ZNF540: variants seen among roughly 807,000 people sequenced by gnomAD.
ZNF540 encodes CTD-3064H18.6.
In ZNF540, 3 loss-of-function variants were observed where a neutral mutation model predicts 11.8. The ratio of observed to expected loss-of-function variants is 0.25; its 90% CI spans 0.12 to 0.65. The LOEUF is 0.65. Among genes scored for constraint, ZNF540 ranks in the 30% least tolerant of loss-of-function variants. The pLI, the probability that ZNF540 is intolerant of heterozygous loss-of-function variation, is 0.83. For missense variants in ZNF540, 709 were observed against 793.1 expected, an observed-to-expected ratio of 0.89 and a Z score of 1.27; for synonymous variants, 247 against 259.0, an observed-to-expected ratio of 0.95 and a Z score of 0.45.
intron 1 of ZNF540, among the ~76,000 whole-genome samples, chr19:37,587,979 A>G (rs954579205): frequency 5.9e-5 from 9 of 151,970 alleles, no homozygotes; most frequent in Non-Finnish European, 7.4e-5. Context: ...ACATGCCTGT[A>G]GTCCCAGCTA....
intron 1 of ZNF540, chr19:37,586,376 G>A (rs2043673888): frequency 4.6e-6 from 2 of 437,420 alleles, no homozygotes; most frequent in African/African-American, 2.0e-5. Flanking sequence ...TGGTACTAAT[G>A]TGTACCAATC....
intron 1 of ZNF540, chr19:37,563,371 A>G (rs1459444867): frequency 1.3e-5 from 2 of 152,056 alleles, no homozygotes; most frequent in Non-Finnish European, 2.9e-5. Context: ...CAAAAAATGG[A>G]ATGTAGCCTC....
chr19:37,607,064 A>G (rs1405311300), intron 4 of ZNF540, among the ~76,000 whole-genome samples: 1 of 152,076 alleles, frequency 6.6e-6, no homozygotes, highest in Non-Finnish European at 1.5e-5. Flanking sequence ...TATCAGATAT[A>G]TATATTTTGC....
At chr19:37,581,912 T>C (rs557802024) in intron 1 of ZNF540, among the ~76,000 whole-genome samples, 1 of 152,102 alleles carries the variant, frequency 6.6e-6, no homozygotes, top group Non-Finnish European at 1.5e-5. Flanking sequence ...TTCCTGTCTA[T>C]ACCTTTTGCT....
chr19:37,566,764 C>T (rs1005722558), intron 1 of ZNF540, among the ~76,000 whole-genome samples: 2 of 152,144 alleles, frequency 1.3e-5, no homozygotes, highest in Non-Finnish European at 2.9e-5. Context: ...ATCTATTCTT[C>T]ATACAGCAGC....
intron 1 of ZNF540, chr19:37,564,580 A>G (rs2042778900): frequency 6.9e-7 from 1 of 1,459,050 alleles, no homozygotes; most frequent in African/African-American, 1.4e-5. Context: ...CTTAAATTTA[A>G]TCACATTCAA....
intron 1 of ZNF540, chr19:37,587,129 C>T (rs997943145): frequency 6.3e-6 from 1 of 159,218 alleles, no homozygotes; most frequent in African/African-American, 2.4e-5. Context: ...GACTCACAGA[C>T]ATTTTGACAG....
intron 4 of ZNF540, among the ~76,000 whole-genome samples, chr19:37,607,465 G>C (rs1413450472): frequency 6.6e-6 from 1 of 152,112 alleles, no homozygotes; most frequent in Non-Finnish European, 1.5e-5. Flanking sequence ...TCTGTGTTTG[G>C]CCTAGTCATC....
Position 37,612,535 on chromosome 19 carries a change from G to A in ZNF540, c.1255G>A (p.Ala419Thr). 1 of 1,614,104 alleles carries A rather than the reference G, an allele frequency of 6.2e-7. No individual in the cohort carries two copies. Among genetic ancestry groups the A allele is most frequent in the South Asian group, 1.1e-5 (1 of 91,086 alleles). Residue 419 changes from alanine to threonine, a missense_variant, in exon 5 of 5, where the codon GCT becomes ACT. By Grantham distance (58) the Ala-to-Thr change is moderately conservative. Coordinates refer to ENST00000316433, the MANE Select transcript of ZNF540 (RefSeq NM_001172225.3). ...TTTTGCATGTAAGGTGTGTGAGAAG[G>A]CTTTTAGTTATAGTGGTGACCTCAG... ...KPFACKVCEKAFSYSGDLRVH... is the reference protein window; with the variant it reads ...KPFACKVCEKTFSYSGDLRVH...
chr19:37,590,909 T>G (rs770308291), upstream of ZNF540, among the ~76,000 whole-genome samples: 7 of 152,188 alleles, frequency 4.6e-5, no homozygotes, highest in Non-Finnish European at 1.0e-4. Flanking sequence ...TTAACAGTAG[T>G]GACAGTTACT....
chr19:37,561,836 T>C (rs2042720564), intron 1 of ZNF540, among the ~76,000 whole-genome samples: 1 of 152,256 alleles, frequency 6.6e-6, no homozygotes, highest in Admixed American at 6.5e-5. Flanking sequence ...ATCTCTCAAT[T>C]GTTAATGACT....
At chr19:37,579,542 CAGA>C (rs1440337276) in intron 1 of ZNF540, among the ~76,000 whole-genome samples, 1 of 111,138 alleles carries the variant, frequency 9.0e-6, no homozygotes, top group South Asian at 3.9e-4. Context: ...TAGCCATATG[CAGA>C]AGAATGAAAG....
intron 1 of ZNF540, chr19:37,564,889 A>ATAAATAAAGGCCTTGTCAC: frequency 6.2e-7 from 1 of 1,614,114 alleles, no homozygotes; most frequent in Non-Finnish European, 8.5e-7. Context: ...GTTGTGAGCC[A>ATAAATAAAGGCCTTGTCAC]TAAATAAAGG....
At chr19:37,575,947 C>G (rs2043228137) in intron 1 of ZNF540, 1 of 152,196 alleles carries the variant, frequency 6.6e-6, no homozygotes, top group East Asian at 1.9e-4. Flanking sequence ...CAATCTCAAG[C>G]TATTGTAGTA....
At chr19:37,563,475 A>G (rs1268747314) in intron 1 of ZNF540, 1 of 152,136 alleles carries the variant, frequency 6.6e-6, no homozygotes, top group East Asian at 1.9e-4. Flanking sequence ...TTTTGTTTAT[A>G]TTTCCATTTA....
chr19:37,566,945 C>A (rs1295496349), intron 1 of ZNF540, among the ~76,000 whole-genome samples: 1 of 152,142 alleles, frequency 6.6e-6, no homozygotes, highest in African/African-American at 2.4e-5. Flanking sequence ...CCCACTTTGG[C>A]CACTTTTCTG....
At position 37,566,830 on chromosome 19, in the gene ZNF540, C is replaced by T. The variant is rs548758558; in HGVS notation, c.-73+15165C>T. Among the ~76,000 whole-genome samples, 20 of 152,308 alleles carry T rather than the reference C, an allele frequency of 1.3e-4. No individual in the cohort carries two copies. The East Asian group carries it at 1.7e-3, about 13-fold the overall frequency. On this transcript the variant is annotated intron_variant, in intron 1 of 4. Transcript: ENST00000592533. The stretch of plus-strand genomic sequence containing the variant: ...TAACATGATTTCCCCTGCTAAAAAT[C>T]TTCCCTATTAATGGTCTGCCATCTC...
chr19:37,565,739 T>C (rs368469930), intron 1 of ZNF540: 1 of 1,613,836 alleles, frequency 6.2e-7, no homozygotes, highest in African/African-American at 1.3e-5. Flanking sequence ...AATAAAAGCT[T>C]TCCCACATGC....
intron 1 of ZNF540, among the ~76,000 whole-genome samples, chr19:37,580,336 A>G (rs1364549383): frequency 1.3e-5 from 2 of 152,202 alleles, no homozygotes; most frequent in Non-Finnish European, 2.9e-5. Context: ...CTTCACCATC[A>G]CAGGATTTAT....
Sources: allele counts gnomAD v4.1 joint callset (sites outside exome capture counted in the v4.1 genomes callset), GRCh38; gene constraint gnomAD v4.1.1; transcripts MANE v1.5; gene names NCBI Gene and HGNC (gene_info 2026-07-23, HGNC 2026-07-21).